The following ZNF503 variants were observed in gnomAD, a reference collection of about 807,000 sequenced individuals.
ZNF503 encodes NocA-like zinc finger 2.
Under a neutral mutation model 34.4 loss-of-function variants are expected in ZNF503, and 15 were observed. The observed-to-expected ratio is 0.44, with a 90% CI of 0.29 to 0.67. The LOEUF (loss-of-function observed/expected upper bound fraction) is 0.67, where lower values mean the gene tolerates loss of function less well. ZNF503 is among the 30% of genes least tolerant of loss of function. The pLI is 0.13. For synonymous variants in ZNF503, 580 were observed against 456.8 expected (o/e 1.27, Z -3.44); for missense variants, 1,007 against 926.8 (o/e 1.09, Z -1.12).
At chr10:75,388,712 T>G in the ZNF503 span, among the ~76,000 whole-genome samples, 1 of 152,200 alleles carries the variant, frequency 6.6e-6, no homozygotes, top group African/African-American at 2.4e-5. Context: ...GTTGCACAAG[T>G]GTACACTGGG....
At chr10:75,347,643 T>A in the ZNF503 span, among the ~76,000 whole-genome samples, 1 of 152,238 alleles carries the variant, frequency 6.6e-6, no homozygotes, top group African/African-American at 2.4e-5. Context: ...GGAGCCTGTC[T>A]CACATTTCCA....
the ZNF503 span, among the ~76,000 whole-genome samples, chr10:75,376,906 A>G: frequency 1.3e-5 from 2 of 152,178 alleles, no homozygotes; most frequent in African/African-American, 2.4e-5. Flanking sequence ...CCATGATTCA[A>G]TTATCTCCAC....
At chr10:75,393,402 GC>G (rs1464444579), downstream of ZNF503, among the ~76,000 whole-genome samples, 1 of 152,242 alleles carries the variant, frequency 6.6e-6, no homozygotes, top group East Asian at 1.9e-4. Context: ...GAAGTGACAG[GC>G]ACTGAGGAGG....
At chr10:75,401,778 A>T, upstream of ZNF503, 1 of 297,576 alleles carries the variant, frequency 3.4e-6, no homozygotes, top group South Asian at 5.5e-5. Context: ...GAGGAAACTC[A>T]CTTCAAAAGC....
At chr10:75,386,612 A>G in the ZNF503 span, among the ~76,000 whole-genome samples, 3 of 151,818 alleles carry the variant, frequency 2.0e-5, no homozygotes, top group Non-Finnish European at 4.4e-5. Flanking sequence ...TAACTACAAG[A>G]CCTCCACATT....
the ZNF503 span, among the ~76,000 whole-genome samples, chr10:75,367,471 G>A: frequency 3.9e-5 from 6 of 152,164 alleles, no homozygotes; most frequent in Admixed American, 2.0e-4. Context: ...CTGGTCTGCC[G>A]GACGGGGCCA....
At chr10:75,373,021 G>C in the ZNF503 span, among the ~76,000 whole-genome samples, 1 of 152,230 alleles carries the variant, frequency 6.6e-6, no homozygotes, top group Non-Finnish European at 1.5e-5. Flanking sequence ...GCTGGGGGAA[G>C]GAAGGGAAGG....
At chr10:75,311,142 C>T in the ZNF503 span, among the ~76,000 whole-genome samples, 8 of 152,168 alleles carry the variant, frequency 5.3e-5, no homozygotes, top group Non-Finnish European at 1.5e-5. Context: ...CACTCCAAGT[C>T]CCAAAGCTGA....
chr10:75,340,270 G>C, the ZNF503 span, among the ~76,000 whole-genome samples: 4 of 152,084 alleles, frequency 2.6e-5, no homozygotes, highest in African/African-American at 9.7e-5. Context: ...AATAATAATA[G>C]TCACACACAC....
the ZNF503 span, among the ~76,000 whole-genome samples, chr10:75,337,684 G>T: frequency 5.8e-3 from 881 of 152,298 alleles, 8 homozygotes; most frequent in African/African-American, 0.02. Context: ...CAGGGTATGG[G>T]AGTCTTGGGG....
the ZNF503 span, among the ~76,000 whole-genome samples, chr10:75,283,571 G>C: frequency 1.2e-4 from 19 of 152,256 alleles, no homozygotes; most frequent in African/African-American, 3.9e-4. Context: ...TTCGAGGGGG[G>C]AGACAGAGTG....
chr10:75,333,402 G>A, the ZNF503 span, among the ~76,000 whole-genome samples: 2 of 51,748 alleles, frequency 3.9e-5, no homozygotes, highest in Non-Finnish European at 3.8e-5. Flanking sequence ...GGCTGGCCGG[G>A]TGGAGGGCTG....
At chr10:75,330,201 A>G in the ZNF503 span, among the ~76,000 whole-genome samples, 1 of 152,156 alleles carries the variant, frequency 6.6e-6, no homozygotes, top group Non-Finnish European at 1.5e-5. Flanking sequence ...CAGGGGTTGC[A>G]TGGTCACTTG....
At chr10:75,300,989 C>T in the ZNF503 span, among the ~76,000 whole-genome samples, 3 of 152,058 alleles carry the variant, frequency 2.0e-5, no homozygotes, top group Non-Finnish European at 2.9e-5. Flanking sequence ...CAGGTGGGAG[C>T]CACCACACCT....
rs1351099597 is a variant in ZNF503 at position 75,400,022 on chromosome 10, G to T, written c.668C>A (p.Thr223Lys). 6.2e-7 allele frequency: 1 copy of T among 1,603,688 alleles called. No individual in the cohort carries two copies. Among genetic ancestry groups the T allele is most frequent in the Non-Finnish European group, 8.5e-7 (1 of 1,178,344 alleles). The part of the protein sequence containing the change: ...RVPSATCQPF[T>K]PRTGSPSSSA... ...GGAGCTCGGGCTGCCTGTCCTGGGC[G>T]TGAATGGCTGGCAGGTGGCGCTCGG... Residue 223 changes from threonine (T) to lysine (K), a missense_variant, in exon 2 of 2, where the codon ACG becomes AAG. Transcript: ENST00000372524.
At chr10:75,380,419 T>C in the ZNF503 span, among the ~76,000 whole-genome samples, 11 of 152,000 alleles carry the variant, frequency 7.2e-5, no homozygotes, top group Admixed American at 2.6e-4. Flanking sequence ...ACCCAGACAA[T>C]GGGGCCCTGG....
the ZNF503 span, among the ~76,000 whole-genome samples, chr10:75,334,642 A>C: frequency 6.6e-6 from 1 of 152,178 alleles, no homozygotes; most frequent in African/African-American, 2.4e-5. Flanking sequence ...ATTTATTTAT[A>C]TATTCTAGAA....
chr10:75,381,733 T>C, the ZNF503 span, among the ~76,000 whole-genome samples: 48 of 150,554 alleles, frequency 3.2e-4, no homozygotes, highest in African/African-American at 1.2e-3. Flanking sequence ...TGTGTATATG[T>C]GTGTGTGCAG....
chr10:75,325,976 G>A, the ZNF503 span, among the ~76,000 whole-genome samples: 2 of 151,616 alleles, frequency 1.3e-5, no homozygotes, highest in South Asian at 4.2e-4. Flanking sequence ...CTCCCGCCTT[G>A]GCCTCCCTCA....
Sources: gnomAD v4.1 joint callset for allele counts (sites outside exome capture counted in the v4.1 genomes callset) on GRCh38, gnomAD v4.1.1 for gene constraint, MANE v1.5 for transcripts, NCBI Gene and HGNC (gene_info 2026-07-23, HGNC 2026-07-21) for gene names.